Variants in TRPM7 observed in about 807,000 individuals in gnomAD.
TRPM7 encodes the protein LTRPC ion channel family member 7.
TRPM7 carries 134 observed loss-of-function variants against 229.7 expected under a neutral mutation model. The ratio of observed to expected loss-of-function variants is 0.58; its 90% confidence interval spans 0.51 to 0.67. The LOEUF (loss-of-function observed/expected upper bound fraction) is 0.67. TRPM7 is among the 30% of genes least tolerant of loss of function. The pLI is 0.00. For synonymous variants in TRPM7, 699 were observed against 715.2 expected, an observed-to-expected ratio of 0.98 and a Z score of 0.36; for missense variants, 1,901 against 2,210.0, an observed-to-expected ratio of 0.86 and a Z score of 2.80.
chr15:50,576,344 G>T (rs62017165), intron 31 of TRPM7, among the ~76,000 whole-genome samples: 22,188 of 151,906 alleles, frequency 0.15, 2,202 homozygotes, highest in Admixed American at 0.28. Context: ...CCATCTTTTT[G>T]TGTGTGTGTG....
rs2140369951 is a variant in TRPM7 at position 50,593,625 on chromosome 15, A to G, written c.3600T>C (p.Thr1200=). Residue 1200 remains threonine (T), a synonymous_variant, in exon 25 of 39, where the codon ACT becomes ACC. Coordinates refer to ENST00000646667, the MANE Select transcript of TRPM7 (RefSeq NM_017672.6). ...HSGSEERIRV[T]FERVEQMCIQ... Reference sequence around the variant, plus strand: ...CTAAAGGGCTTCTGAACCTTTCAAAAGTGACACGAATTCTCTCTTCACTCC... The same window carrying G: ...CTAAAGGGCTTCTGAACCTTTCAAAGGTGACACGAATTCTCTCTTCACTCC... 6.2e-7 allele frequency: 1 copy of G among 1,611,762 alleles called. No homozygotes were observed. The highest frequency in any genetic ancestry group is 1.1e-5 in the South Asian group (1 of 90,524).
At chr15:50,618,766 A>AC (rs1277208499) in intron 13 of TRPM7, among the ~76,000 whole-genome samples, 1 of 151,596 alleles carries the variant, frequency 6.6e-6, no homozygotes, top group Non-Finnish European at 1.5e-5. Flanking sequence ...AACCCTCACC[A>AC]CCCCCACCCA....
chr15:50,589,848 TTTTTTTG>T (rs71124380), intron 26 of TRPM7, among the ~76,000 whole-genome samples, 192 bp from the exon 27 acceptor site: 6 of 137,308 alleles, frequency 4.4e-5, no homozygotes, highest in Non-Finnish European at 7.7e-5. Flanking sequence ...AGGTTACAGT[TTTTTTTG>T]TTTTTTGTTT....
intron 10 of TRPM7, among the ~76,000 whole-genome samples, chr15:50,631,105 G>C (rs948143469): frequency 6.6e-6 from 1 of 152,170 alleles, no homozygotes. Flanking sequence ...GGGATTACAG[G>C]TGTGAGCCAC....
intron 9 of TRPM7, 97 bp from the exon 10 acceptor site, chr15:50,631,586 T>C (rs980849951): frequency 4.8e-6 from 3 of 631,504 alleles, no homozygotes; most frequent in East Asian, 2.8e-5. Context: ...GGGCAAAATA[T>C]ATATGTATGT....
At chr15:50,622,840 C>G (rs1433124345) in intron 12 of TRPM7, among the ~76,000 whole-genome samples, 1 of 151,936 alleles carries the variant, frequency 6.6e-6, no homozygotes, top group South Asian at 2.1e-4. Flanking sequence ...GAGCCCAGAT[C>G]GTGCCACTGC....
intron 36 of TRPM7, among the ~76,000 whole-genome samples, chr15:50,573,803 G>C (rs1294723323): frequency 6.6e-6 from 1 of 152,188 alleles, no homozygotes; most frequent in Non-Finnish European, 1.5e-5. Context: ...GCTCACTCCT[G>C]TAATCCCAGC....
chr15:50,660,693 G>GA, intron 2 of TRPM7, among the ~76,000 whole-genome samples: 1 of 152,252 alleles, frequency 6.6e-6, no homozygotes, highest in Middle Eastern at 3.4e-3. Flanking sequence ...ACGTTTTCTT[G>GA]ATGGTGATGG....
At chr15:50,588,451 C>T (rs2059399928) in intron 27 of TRPM7, among the ~76,000 whole-genome samples, 2 of 151,956 alleles carry the variant, frequency 1.3e-5, no homozygotes, top group African/African-American at 2.4e-5. Context: ...AATAAAAATA[C>T]AAAATGTTAC....
intron 28 of TRPM7, among the ~76,000 whole-genome samples, chr15:50,583,454 C>A (rs1047985119): frequency 2.0e-5 from 3 of 152,102 alleles, no homozygotes; most frequent in Non-Finnish European, 1.5e-5. Flanking sequence ...TAATTCATTT[C>A]TTGCATATTC....
At chr15:50,580,237 T>C (rs1435548558) in intron 30 of TRPM7, among the ~76,000 whole-genome samples, 2 of 152,158 alleles carry the variant, frequency 1.3e-5, no homozygotes, top group Non-Finnish European at 2.9e-5. Flanking sequence ...TTTTTGCATA[T>C]CCTTTGGAAT....
intron 5 of TRPM7, among the ~76,000 whole-genome samples, chr15:50,642,235 T>C (rs1035619395): frequency 2.0e-5 from 3 of 152,216 alleles, no homozygotes; most frequent in Non-Finnish European, 2.9e-5. Flanking sequence ...AGAAGGAAAG[T>C]GATGGAAATA....
chr15:50,573,381 T>A (rs932561374), intron 36 of TRPM7, among the ~76,000 whole-genome samples: 1 of 152,216 alleles, frequency 6.6e-6, no homozygotes, highest in Non-Finnish European at 1.5e-5. Flanking sequence ...GCTAGCCATG[T>A]AGACAGAGAA....
At chr15:50,579,335 G>A (rs1008670963) in intron 30 of TRPM7, among the ~76,000 whole-genome samples, 1 of 152,192 alleles carries the variant, frequency 6.6e-6, no homozygotes, top group African/African-American at 2.4e-5. Context: ...ACCAGATCCA[G>A]AAAGGACCTT....
At chr15:50,579,043 T>C (rs1199789996) in intron 30 of TRPM7, among the ~76,000 whole-genome samples, 1 of 152,192 alleles carries the variant, frequency 6.6e-6, no homozygotes, top group Non-Finnish European at 1.5e-5. Flanking sequence ...GCTAGAAATA[T>C]TTCAATAGAA....
chr15:50,619,481 C>T (rs899908622), intron 13 of TRPM7, among the ~76,000 whole-genome samples: 6 of 151,994 alleles, frequency 3.9e-5, no homozygotes, highest in Admixed American at 3.9e-4. Context: ...CTCAACCTGC[C>T]GAAATGCTGG....
intron 1 of TRPM7, among the ~76,000 whole-genome samples, chr15:50,664,709 G>A (rs985216509): frequency 1.3e-5 from 2 of 152,184 alleles, no homozygotes; most frequent in Non-Finnish European, 2.9e-5. Context: ...GCTCACGCCT[G>A]TAACCCCAGC....
intron 28 of TRPM7, among the ~76,000 whole-genome samples, chr15:50,585,203 A>C (rs1452779162): frequency 6.6e-6 from 1 of 152,036 alleles, no homozygotes; most frequent in Admixed American, 6.6e-5. Context: ...CTGGGACTAC[A>C]GGCGCCCGCC....
chr15:50,597,902 C>T (rs960712702), intron 22 of TRPM7, among the ~76,000 whole-genome samples: 6 of 151,368 alleles, frequency 4.0e-5, no homozygotes, highest in Admixed American at 6.6e-5. Flanking sequence ...CTGGGTGACA[C>T]GGTGAGACTC....
Sources: gnomAD v4.1 joint callset for allele counts (sites outside exome capture counted in the v4.1 genomes callset) on GRCh38, gnomAD v4.1.1 for gene constraint, MANE v1.5 for transcripts, NCBI Gene and HGNC (gene_info 2026-07-23, HGNC 2026-07-21) for gene names.